CD163L1: variants seen among roughly 807,000 people sequenced by gnomAD.
CD163L1 encodes the protein CD163 molecule like 1, also known as scavenger receptor cysteine-rich type 1 protein M160.
In CD163L1, 124 loss-of-function variants were observed where a neutral mutation model predicts 165.4. The observed-to-expected ratio is 0.75, with a 90% CI of 0.65 to 0.87. The LOEUF is 0.87. Ranked by LOEUF, CD163L1 falls within the 40% of genes least tolerant of loss-of-function variation. The pLI is 0.00. For missense variants in CD163L1, 1,525 were observed against 1,799.9 expected (o/e 0.85, Z 2.76); for synonymous variants, 585 against 662.2 (o/e 0.88, Z 1.79).
At chr12:7,371,129 A>G (rs1391568145) in intron 14 of CD163L1, among the ~76,000 whole-genome samples, 1 of 152,142 alleles carries the variant, frequency 6.6e-6, no homozygotes, top group Non-Finnish European at 1.5e-5. Flanking sequence ...CTTTGCCTTC[A>G]GCCATGATTG....
chr12:7,380,413 GTA>G (rs766925899), intron 8 of CD163L1, among the ~76,000 whole-genome samples: 5 of 151,222 alleles, frequency 3.3e-5, no homozygotes, highest in African/African-American at 9.7e-5. Flanking sequence ...ATGTATGTGT[GTA>G]TATATATACA....
chr12:7,421,432 C>T (rs1303753973), intron 4 of CD163L1, among the ~76,000 whole-genome samples: 14 of 95,014 alleles, frequency 1.5e-4, no homozygotes, highest in African/African-American at 5.9e-4. Context: ...CATATATGTA[C>T]ATATATACAT....
Position 7,374,689 on chromosome 12 carries a change from G to T in CD163L1, c.3162C>A (p.Asp1054Glu). ...RCAGRVEIYHDGFWGTICDDG... is the reference protein window; with the variant it reads ...RCAGRVEIYHEGFWGTICDDG... ...CATCACAGATGGTGCCCCAGAAGCC[G>T]TCGTGATAGATCTCTACTCTCCCGG... The change falls in exon 13 of 20, where the codon GAC becomes GAA. Residue 1054 changes from aspartate to glutamate, a missense_variant. Physicochemically the swap from Asp to Glu is conservative, Grantham distance 45. Transcript: ENST00000313599. The surrounding 1 kb of genome is among the most constrained non-coding windows in gnomAD (Gnocchi z 5.4). 1 of 1,614,236 alleles carries T rather than the reference G, an allele frequency of 6.2e-7. No homozygotes were observed. Among genetic ancestry groups the T allele is most frequent in the Non-Finnish European group, 8.5e-7 (1 of 1,180,046 alleles).
chr12:7,329,944 G>T, the CD163L1 span, among the ~76,000 whole-genome samples: 1 of 152,108 alleles, frequency 6.6e-6, no homozygotes, highest in East Asian at 1.9e-4. Flanking sequence ...CAGTTCCACG[G>T]AGCTGTATGT....
At chr12:7,420,773 C>T (rs751436965) in intron 4 of CD163L1, among the ~76,000 whole-genome samples, 89 of 151,658 alleles carry the variant, frequency 5.9e-4, no homozygotes, top group African/African-American at 2.0e-3. Flanking sequence ...ACAACCTCTA[C>T]GAAAAACAGT....
At chr12:7,423,434 C>A (rs1054893748) in intron 4 of CD163L1, among the ~76,000 whole-genome samples, 1 of 151,794 alleles carries the variant, frequency 6.6e-6, no homozygotes, top group African/African-American at 2.4e-5. Flanking sequence ...AGAAGGAGAG[C>A]ATACAAATTT....
At chr12:7,383,711 G>C (rs1194863085) in intron 8 of CD163L1, among the ~76,000 whole-genome samples, 1 of 152,132 alleles carries the variant, frequency 6.6e-6, no homozygotes, top group Non-Finnish European at 1.5e-5. Flanking sequence ...TCTTCACACT[G>C]ATTATCACTG....
rs774542568 is a variant in CD163L1 at position 7,361,157 on chromosome 12, AT to A, written c.4280-3672del. 1.2e-4 allele frequency among the ~76,000 whole-genome samples: 18 copies of A among 151,966 alleles called. No homozygotes were observed. In the South Asian group the frequency reaches 2.5e-3, roughly 21 times the overall value. On this transcript the variant is annotated intron_variant, in intron 18 of 19. Transcript: ENST00000313599. ...TCTGGGATTTGAGTAGTATATATAT[AT>A]TTTCATTCATTTCTCAAAGACTTTG...
chr12:7,396,014 A>G, intron 8 of CD163L1, 81 bp downstream of exon 8: 2 of 1,143,412 alleles, frequency 1.7e-6, no homozygotes, highest in Non-Finnish European at 2.5e-6. Flanking sequence ...TCGGTCATAA[A>G]TGTACTGACT....
chr12:7,375,286 C>T lies in CD163L1; in HGVS notation c.2996G>A (p.Cys999Tyr). ...CIHGNTVSVI[C>Y]TGSLTQPLFP... ...CATAAGCACTATTCTCTTACCTGTG[C>T]AGATCACAGAGACAGTATTTCCATG... The change falls in exon 11 of 20, where the codon TGC (cysteine) becomes TAC (tyrosine). Residue 999 changes from cysteine (C) to tyrosine (Y), a missense_variant. Cys to Tyr is a radical substitution (Grantham distance 194). Transcript: ENST00000313599. 1 of 1,613,714 alleles carries T rather than the reference C, an allele frequency of 6.2e-7. No homozygotes were observed. Among genetic ancestry groups the T allele is most frequent in the Non-Finnish European group, 8.5e-7 (1 of 1,179,814 alleles).
At chr12:7,325,372 C>T in the CD163L1 span, among the ~76,000 whole-genome samples, 2 of 152,184 alleles carry the variant, frequency 1.3e-5, no homozygotes, top group Non-Finnish European at 2.9e-5. Context: ...GTGGGCTGGG[C>T]ACGGTGGCTC....
intron 4 of CD163L1, among the ~76,000 whole-genome samples, chr12:7,424,264 A>G (rs1295603963): frequency 1.4e-5 from 2 of 140,848 alleles, no homozygotes; most frequent in African/African-American, 2.7e-5. Context: ...AAGGTCTTCA[A>G]TAAAATTCAA....
At chr12:7,323,649 A>G in the CD163L1 span, 7 of 1,177,174 alleles carry the variant, frequency 5.9e-6, no homozygotes, top group Non-Finnish European at 8.7e-6. Context: ...ATCTTGGGCA[A>G]GCAACAAAAT....
chr12:7,334,712 C>T, the CD163L1 span, among the ~76,000 whole-genome samples: 1 of 152,210 alleles, frequency 6.6e-6, no homozygotes, highest in East Asian at 1.9e-4. Context: ...TCCCTGTTTG[C>T]AGATGACATG....
intron 14 of CD163L1, among the ~76,000 whole-genome samples, chr12:7,370,208 C>A (rs1035806106): frequency 3.3e-5 from 5 of 152,294 alleles, no homozygotes; most frequent in East Asian, 1.9e-4. Flanking sequence ...GACCTCTCGT[C>A]ACATGGCTGT....
At chr12:7,387,915 T>C (rs1947556448) in intron 8 of CD163L1, among the ~76,000 whole-genome samples, 1 of 152,150 alleles carries the variant, frequency 6.6e-6, no homozygotes, top group Non-Finnish European at 1.5e-5. Flanking sequence ...CAGCCTGCTA[T>C]TGGTATGAAA....
intron 4 of CD163L1, among the ~76,000 whole-genome samples, chr12:7,415,417 A>G (rs2136560873): frequency 1.3e-5 from 2 of 152,186 alleles, no homozygotes; most frequent in South Asian, 4.1e-4. Flanking sequence ...AAGACTATAA[A>G]ACAGTGTAAA....
rs61936880 is a variant in CD163L1 at position 7,347,602 on chromosome 12, C to A, written c.*25-455G>T. 0.061 allele frequency among the ~76,000 whole-genome samples: 9,257 copies of A among 152,050 alleles called. 377 individuals are homozygous for A. The highest frequency in any genetic ancestry group is 0.16 in the East Asian group (846 of 5,150). On this transcript the variant is annotated intron_variant, in intron 4 of 4. Coordinates refer to the CD163L1 transcript ENST00000539726. The surrounding 1 kb of genome is among the most constrained non-coding windows in gnomAD (Gnocchi z 4.2). ...AGACCACGTTGAAACCCCGTCTCTA[C>A]TGAAAATACAAAAAAATTAGCCTGG...
chr12:7,393,116 C>CA lies in CD163L1; in HGVS notation c.2050+2978dup, dbSNP rs374058837. 2.9e-3 allele frequency among the ~76,000 whole-genome samples: 445 copies of CA among 151,900 alleles called. 2 individuals are homozygous for CA. Among genetic ancestry groups the CA allele is most frequent in the African/African-American group, 9.5e-3 (392 of 41,452 alleles). ...ATACCAAAGCTTGGCAGAGACAAAACAAAAAAAGGGAATTTTAAACCAATA... is the reference window on the plus strand; with the variant it reads ...ATACCAAAGCTTGGCAGAGACAAAACAAAAAAAAGGGAATTTTAAACCAATA... On this transcript the variant is annotated intron_variant, in intron 8 of 19. Coordinates refer to ENST00000313599, the MANE Select transcript of CD163L1 (RefSeq NM_174941.6).
Sources: allele counts gnomAD v4.1 joint callset (sites outside exome capture counted in the v4.1 genomes callset), GRCh38; gene constraint gnomAD v4.1.1; non-coding constraint Gnocchi (gnomAD v3.1); transcripts MANE v1.5; gene names NCBI Gene and HGNC (gene_info 2026-07-23, HGNC 2026-07-21).